STX8: variants seen among roughly 807,000 people sequenced by gnomAD.
STX8 encodes the protein syntaxin 8, also known as syntaxin-8.
In STX8, 23 loss-of-function variants were observed where a neutral mutation model predicts 37.5. That is an observed-to-expected ratio of 0.61 (90% CI 0.44 to 0.87). The LOEUF (loss-of-function observed/expected upper bound fraction) is 0.87. Among genes scored for constraint, STX8 ranks in the 40% least tolerant of loss-of-function variants. The pLI is 0.00. For synonymous variants in STX8, 115 were observed against 99.1 expected (o/e 1.16, Z -0.95); for missense variants, 313 against 284.7 (o/e 1.10, Z -0.71).
chr17:9,296,430 G>A (rs988568574), intron 7 of STX8, among the ~76,000 whole-genome samples: 1 of 151,564 alleles, frequency 6.6e-6, no homozygotes, highest in Non-Finnish European at 1.5e-5. Flanking sequence ...CCTGGGAGGT[G>A]GAGGTTGCAG....
intron 4 of STX8, among the ~76,000 whole-genome samples, chr17:9,543,193 T>C (rs1429033667): frequency 6.6e-6 from 1 of 152,204 alleles, no homozygotes; most frequent in Non-Finnish European, 1.5e-5. Flanking sequence ...ACATGACCAC[T>C]ATTCCTCCAT....
intron 6 of STX8, among the ~76,000 whole-genome samples, chr17:9,481,428 T>G (rs1906340022): frequency 6.6e-6 from 1 of 152,054 alleles, no homozygotes; most frequent in Non-Finnish European, 1.5e-5. Flanking sequence ...CAAACGTACT[T>G]AAATTCTAGG....
intron 7 of STX8, among the ~76,000 whole-genome samples, chr17:9,271,115 T>C (rs1907439323): frequency 6.6e-6 from 1 of 152,242 alleles, no homozygotes. Context: ...CAACTCACAG[T>C]GTGACGTGGG....
intron 7 of STX8, among the ~76,000 whole-genome samples, chr17:9,345,868 T>TTTTTTTTTTTG (rs60211611): frequency 6.9e-6 from 1 of 144,124 alleles, no homozygotes; most frequent in Non-Finnish European, 1.5e-5. Context: ...TTTTTTTTTT[T>TTTTTTTTTTTG]GAGATGGAGT....
At chr17:9,575,395 G>A (rs1907862900) in intron 1 of STX8, among the ~76,000 whole-genome samples, 3 of 152,138 alleles carry the variant, frequency 2.0e-5, no homozygotes, top group South Asian at 2.1e-4. Context: ...GAAATAAGGG[G>A]GTTTACCGGG....
chr17:9,545,864 G>C (rs1906486743), intron 3 of STX8, among the ~76,000 whole-genome samples: 1 of 152,194 alleles, frequency 6.6e-6, no homozygotes, highest in African/African-American at 2.4e-5. Context: ...TACAAGGCGT[G>C]AGTCACCACG....
chr17:9,494,043 T>A (rs1231697721), intron 5 of STX8, among the ~76,000 whole-genome samples: 5 of 151,442 alleles, frequency 3.3e-5, no homozygotes, highest in Admixed American at 6.6e-5. Flanking sequence ...TGAGATGGAG[T>A]CTCACTCTGT....
At chr17:9,257,235 G>A (rs1424377038) in intron 7 of STX8, among the ~76,000 whole-genome samples, 1 of 152,122 alleles carries the variant, frequency 6.6e-6, no homozygotes, top group Non-Finnish European at 1.5e-5. Flanking sequence ...TCCAGCTCAT[G>A]GCAATTAAAA....
At chr17:9,546,446 A>G (rs904805185) in intron 3 of STX8, among the ~76,000 whole-genome samples, 11 of 146,036 alleles carry the variant, frequency 7.5e-5, no homozygotes, top group African/African-American at 2.8e-4. Context: ...AAAGAAACCT[A>G]CAATTCACCA....
chr17:9,559,070 G>A lies in STX8; in HGVS notation c.118-1542C>T, dbSNP rs139384506. 1.4e-4 allele frequency among the ~76,000 whole-genome samples: 22 copies of A among 152,068 alleles called. No homozygotes were observed. The East Asian group carries it at 3.9e-3, about 27-fold the overall frequency. On this transcript the variant is annotated intron_variant, in intron 2 of 7. Transcript: ENST00000306357. ...ACCCAAACAGAGAAAAAACAACCCAGGAACTAAATACAAACATTGAAACCA... is the reference window on the plus strand; with the variant it reads ...ACCCAAACAGAGAAAAAACAACCCAAGAACTAAATACAAACATTGAAACCA...
intron 7 of STX8, among the ~76,000 whole-genome samples, chr17:9,332,297 T>C (rs1909985569): frequency 6.6e-6 from 1 of 152,168 alleles, no homozygotes; most frequent in African/African-American, 2.4e-5. Context: ...GGAGAATGAC[T>C]CAGAGGCAGA....
intron 1 of STX8, among the ~76,000 whole-genome samples, chr17:9,573,074 C>T (rs980706584): frequency 2.2e-4 from 14 of 64,476 alleles, no homozygotes; most frequent in Admixed American, 2.2e-3. Flanking sequence ...TAAGCCCACC[C>T]CCAACACCCC....
At chr17:9,290,015 G>C (rs1908261069) in intron 7 of STX8, among the ~76,000 whole-genome samples, 1 of 152,172 alleles carries the variant, frequency 6.6e-6, no homozygotes, top group Non-Finnish European at 1.5e-5. Flanking sequence ...GGCGGACAAT[G>C]AAAGAACTAA....
chr17:9,325,785 C>A (rs1909733238), intron 7 of STX8, among the ~76,000 whole-genome samples: 1 of 152,226 alleles, frequency 6.6e-6, no homozygotes, highest in South Asian at 2.1e-4. Context: ...CGGGTCTTGG[C>A]AAGAGGCAGG....
At position 9,329,050 on chromosome 17, in the gene STX8, CAAAAAA is replaced by C. The variant is rs998679728; in HGVS notation, c.643+49496_643+49501del. 1.5e-3 allele frequency among the ~76,000 whole-genome samples: 43 copies of C among 27,996 alleles called. 1 individual carries two copies. Among genetic ancestry groups the C allele is most frequent in the African/African-American group, 3.1e-3 (42 of 13,660 alleles). 18.4% of individuals were successfully genotyped at this position (27,996 alleles called of 152,430 possible). On this transcript the variant is annotated intron_variant, in intron 7 of 7. Coordinates refer to ENST00000306357, the MANE Select transcript of STX8 (RefSeq NM_004853.3). Reference sequence around the variant, plus strand: ...GGGCGACAAGAGCGAGATTCCATCTCAAAAAAAAAAAAAAAAAAAAAAAAAAAAAAA... The same window carrying C: ...GGGCGACAAGAGCGAGATTCCATCTCAAAAAAAAAAAAAAAAAAAAAAAAA...
chr17:9,319,954 AT>A (rs1324028862), intron 7 of STX8, among the ~76,000 whole-genome samples: 4 of 151,180 alleles, frequency 2.6e-5, no homozygotes, highest in African/African-American at 9.8e-5. Context: ...CATCTCAAAA[AT>A]AAATAAATAA....
intron 7 of STX8, among the ~76,000 whole-genome samples, chr17:9,304,238 T>C (rs1427985891): frequency 6.6e-6 from 1 of 151,968 alleles, no homozygotes; most frequent in African/African-American, 2.4e-5. Flanking sequence ...AGCCGGGTGC[T>C]GTGGCTCACG....
At chr17:9,552,953 A>G (rs902885628) in intron 3 of STX8, 3 of 152,140 alleles carry the variant, frequency 2.0e-5, no homozygotes, top group Admixed American at 2.0e-4. Context: ...TAGATTTTTA[A>G]AACTTATTTC....
intron 6 of STX8, among the ~76,000 whole-genome samples, chr17:9,432,886 T>C (rs1199219092): frequency 6.6e-6 from 1 of 152,230 alleles, no homozygotes; most frequent in African/African-American, 2.4e-5. Flanking sequence ...ACTAACACTG[T>C]TACCTTCAGA....
Sources: allele counts gnomAD v4.1 joint callset (sites outside exome capture counted in the v4.1 genomes callset), GRCh38; gene constraint gnomAD v4.1.1; transcripts MANE v1.5; gene names NCBI Gene and HGNC (gene_info 2026-07-23, HGNC 2026-07-21).